Variants in PRMT2 observed in about 807,000 individuals in gnomAD.
PRMT2 encodes the protein protein arginine methyltransferase 2.
PRMT2 carries 26 observed loss-of-function variants against 57.6 expected under a neutral mutation model. That is an observed-to-expected ratio of 0.45 (90% confidence interval 0.33 to 0.63). The LOEUF (loss-of-function observed/expected upper bound fraction) is 0.63. Ranked by LOEUF, PRMT2 falls within the 20% of genes least tolerant of loss-of-function variation. The pLI is 0.02. For synonymous variants in PRMT2, 219 were observed against 220.0 expected, an observed-to-expected ratio of 1.00 and a Z score of 0.04; for missense variants, 472 against 564.4, an observed-to-expected ratio of 0.84 and a Z score of 1.66.
At chr21:46,646,247 G>T (rs559650062) in intron 5 of PRMT2, among the ~76,000 whole-genome samples, 1 of 152,056 alleles carries the variant, frequency 6.6e-6, no homozygotes, top group Non-Finnish European at 1.5e-5. Context: ...GCACTTTTTC[G>T]CAGGTATGCC....
At chr21:46,640,602 C>T (rs143615431) in intron 3 of PRMT2, among the ~76,000 whole-genome samples, 3,088 of 151,956 alleles carry the variant, frequency 0.02, 99 homozygotes, top group African/African-American at 0.07. Flanking sequence ...CCACCACGCC[C>T]GGCTAATTTT....
intron 3 of PRMT2, among the ~76,000 whole-genome samples, chr21:46,638,670 G>T (rs1234127057): frequency 6.6e-6 from 1 of 152,186 alleles, no homozygotes; most frequent in African/African-American, 2.4e-5. Flanking sequence ...ATGGTATTTT[G>T]TTATTTCAAT....
rs746186884 is a variant in PRMT2, at chr21:46,660,920, ATT to A, written c.919_920del (p.Leu307AlafsTer11). The A allele has an allele frequency of 6.2e-7, 1 of 1,613,442 alleles. No homozygotes were observed. The highest frequency in any genetic ancestry group is 8.5e-7 in the Non-Finnish European group (1 of 1,179,454). ...ACTGTCTCTCTGAACCGTGCACTATATTGCAGTTGGACATGAGAACCGTGCAA... is the reference window on the plus strand; with the variant it reads ...ACTGTCTCTCTGAACCGTGCACTATAGCAGTTGGACATGAGAACCGTGCAA... The part of the protein sequence containing the change: ...EDCLSEPCTI[L>X]QLDMRTVQIS... On this transcript the variant is annotated frameshift_variant, in exon 9 of 12. Transcript: ENST00000355680. LOFTEE classifies it high-confidence loss of function.
At chr21:46,644,188 A>G (rs2061326589) in intron 4 of PRMT2, 118 bp from the exon 5 acceptor site, 4 of 1,026,922 alleles carry the variant, frequency 3.9e-6, no homozygotes, top group Non-Finnish European at 5.6e-6. Context: ...GTCATTACCC[A>G]CTGACTCCTG....
chr21:46,644,265 T>C (rs2061327334), intron 4 of PRMT2, 41 bp from the exon 5 acceptor site: 1 of 1,578,192 alleles, frequency 6.3e-7, no homozygotes, highest in East Asian at 2.3e-5. Context: ...GAAATACCAA[T>C]GACTGGTTTT....
chr21:46,644,083 T>C (rs1384993476), intron 4 of PRMT2, among the ~76,000 whole-genome samples: 2 of 152,180 alleles, frequency 1.3e-5, no homozygotes, highest in Non-Finnish European at 2.9e-5. Context: ...ACTCCTTCTT[T>C]TAAAAAATAT....
intron 3 of PRMT2, among the ~76,000 whole-genome samples, chr21:46,641,755 G>A (rs539808170): frequency 2.0e-5 from 3 of 150,402 alleles, no homozygotes; most frequent in South Asian, 4.2e-4. Context: ...GTGTATACGT[G>A]TACACAGGGC....
At chr21:46,643,722 A>G in intron 4 of PRMT2, 83 bp downstream of exon 4, 2 of 1,470,126 alleles carry the variant, frequency 1.4e-6, no homozygotes, top group African/African-American at 1.4e-5. Flanking sequence ...ACGTCACACC[A>G]AAGTTAAATG....
rs374352696 is a variant in PRMT2, at chr21:46,661,859, G to A, written c.1020G>A (p.Thr340=). The A allele has an allele frequency of 9.9e-6, 15 of 1,516,090 alleles. No homozygotes were observed. The Admixed American group carries it at 2.6e-4, about 26-fold the overall frequency. The allele number at this position is 1,516,090 out of a possible 1,614,324, so 93.9% of individuals were successfully genotyped here. A position where few individuals can be genotyped will look rare whatever the true frequency, so the allele number is the denominator to read the frequency against. The change falls in exon 10 of 12, where the codon ACG becomes ACA. Residue 340 remains threonine, a synonymous_variant. Coordinates refer to ENST00000355680, the MANE Select transcript of PRMT2 (RefSeq NM_206962.4). The part of the protein sequence containing the change: ...IRKAGTLHGF[T]AWFSVHFQSL... ...AGGCGGGGACCCTGCACGGCTTCAC[G>A]GCCTGGTTTAGCGTCCACTTCCAGA...
intron 8 of PRMT2, chr21:46,659,562 A>T (rs1402027843): frequency 1.0e-6 from 1 of 955,786 alleles, no homozygotes; most frequent in Non-Finnish European, 1.2e-6. Context: ...ATGAAAAATT[A>T]TAATGTTGTT....
intron 3 of PRMT2, among the ~76,000 whole-genome samples, chr21:46,641,117 T>C (rs2061265177): frequency 1.4e-5 from 1 of 69,274 alleles, no homozygotes. Flanking sequence ...GAGGGTGACC[T>C]CATCTCAAAA....
At chr21:46,647,813 G>A (rs770936323) in intron 5 of PRMT2, among the ~76,000 whole-genome samples, 3 of 152,184 alleles carry the variant, frequency 2.0e-5, no homozygotes, top group African/African-American at 4.8e-5. Context: ...TTCCCTTCGC[G>A]TTGATGTGAA....
chr21:46,663,076 C>A (rs141500985), intron 10 of PRMT2, among the ~76,000 whole-genome samples: 163 of 152,346 alleles, frequency 1.1e-3, no homozygotes, highest in African/African-American at 3.8e-3. Flanking sequence ...GCCGTCCACA[C>A]CTCCTGGAAT....
intron 3 of PRMT2, among the ~76,000 whole-genome samples, chr21:46,637,534 T>G (rs1025976250): frequency 3.3e-5 from 5 of 152,196 alleles, no homozygotes; most frequent in Admixed American, 3.3e-4. Context: ...ATGTTTTCTT[T>G]TTTTCTCTTT....
intron 3 of PRMT2, among the ~76,000 whole-genome samples, chr21:46,641,318 T>C (rs999828040): frequency 6.6e-6 from 1 of 152,176 alleles, no homozygotes; most frequent in African/African-American, 2.4e-5. Flanking sequence ...TGCTATGGAA[T>C]ATCGTATAGC....
In PRMT2 at chr21:46,660,862, A is replaced by T; in HGVS notation, c.860A>T (p.Lys287Met). The T allele has an allele frequency of 6.2e-7, 1 of 1,613,650 alleles. No homozygotes were observed. The highest frequency in any genetic ancestry group is 1.1e-5 in the South Asian group (1 of 91,040). Residue 287 changes from lysine to methionine, a missense_variant, in exon 9 of 12, where the codon AAG (lysine) becomes ATG (methionine). Physicochemically the swap from Lys to Met is moderately conservative, Grantham distance 95. Around this residue, in one of 2 missense-constraint regions of PRMT2, gnomAD observed 229 missense variants for 217.2 expected, o/e 1.05. Transcript: ENST00000355680. The part of the protein sequence containing the change: ...KSLAVKEFFS[K>M]PKYNHILKPE... ...TTAGCAGTTAAGGAGTTTTTTTCAA[A>T]GCCCAAGTATAACCACATTTTGAAA...
chr21:46,651,707 T>G, intron 7 of PRMT2: 1 of 1,351,802 alleles, frequency 7.4e-7, no homozygotes, highest in Non-Finnish European at 1.0e-6. Context: ...CCTATGGCGA[T>G]AGTTGTTGGG....
chr21:46,653,212 A>C, intron 7 of PRMT2: 4 of 985,450 alleles, frequency 4.1e-6, no homozygotes, highest in Non-Finnish European at 4.8e-6. Flanking sequence ...ACAAAGATGT[A>C]ATAATTCTCT....
rs1251082816 is a variant in PRMT2, at chr21:46,649,210, C to T, written c.490-365C>T. Among the ~76,000 whole-genome samples, 1 of 152,234 alleles carries T rather than the reference C, an allele frequency of 6.6e-6. No individual in the cohort carries two copies. Among genetic ancestry groups the T allele is most frequent in the Non-Finnish European group, 1.5e-5 (1 of 68,042 alleles). On this transcript the variant is annotated intron_variant, in intron 6 of 11. Transcript: ENST00000355680. This position sits in a 1 kb window ranked among gnomAD's most constrained non-coding sequence, Gnocchi z 4.8. ...AGAACCTGGGTTTGAAATTGTCTGA[C>T]AGGCCTCAGATGTGGCACAGACCAG... is the stretch of plus-strand genomic sequence containing the variant.
Sources: gnomAD v4.1 joint callset for allele counts (sites outside exome capture counted in the v4.1 genomes callset) on GRCh38, gnomAD v4.1.1 for gene constraint, gnomAD v4.1.1 regional missense constraint, Gnocchi (gnomAD v3.1) non-coding constraint, MANE v1.5 for transcripts, NCBI Gene and HGNC (gene_info 2026-07-23, HGNC 2026-07-21) for gene names.